EXOC6B: variants seen among roughly 807,000 people sequenced by gnomAD.
EXOC6B encodes exocyst complex component 6B.
In EXOC6B, 54 loss-of-function variants were observed where a neutral mutation model predicts 113.5. The observed-to-expected ratio is 0.48, with a 90% CI of 0.38 to 0.60. EXOC6B has a LOEUF of 0.60. Among genes scored for constraint, EXOC6B ranks in the 20% least tolerant of loss-of-function variants. The pLI is 0.00. For synonymous variants in EXOC6B, 357 were observed against 339.0 expected, an observed-to-expected ratio of 1.05 and a Z score of -0.58; for missense variants, 797 against 977.5, an observed-to-expected ratio of 0.82 and a Z score of 2.46.
intron 6 of EXOC6B, among the ~76,000 whole-genome samples, chr2:72,653,970 AT>A (rs58589218): frequency 0.23 from 30,704 of 136,206 alleles, 4,607 homozygotes; most frequent in African/African-American, 0.45. Flanking sequence ...AATTTTATTT[AT>A]TTTTTTTTTT....
rs538758196 is a variant in EXOC6B at position 72,443,027 on chromosome 2, T to C, written c.1980+22133A>G. Among the ~76,000 whole-genome samples the C allele has an allele frequency of 2.0e-5, 3 of 152,120 alleles. No homozygotes were observed. The South Asian group carries it at 6.2e-4, about 32-fold the overall frequency. On this transcript the variant is annotated intron_variant, in intron 18 of 21. Coordinates refer to ENST00000272427, the MANE Select transcript of EXOC6B (RefSeq NM_015189.3). ...AATAACCAAAACAGCATGATATAGA[T>C]ACAAGAAAAGACACATAGGCAGGGC...
intron 4 of EXOC6B, 22 bp downstream of exon 4, chr2:72,731,133 T>A: frequency 6.2e-7 from 1 of 1,602,272 alleles, no homozygotes; most frequent in Non-Finnish European, 8.5e-7. Flanking sequence ...CCAAGAATCC[T>A]TCTCCATTTC....
intron 6 of EXOC6B, among the ~76,000 whole-genome samples, chr2:72,617,725 C>T (rs1188131136): frequency 1.3e-5 from 2 of 151,674 alleles, no homozygotes; most frequent in Admixed American, 1.3e-4. Flanking sequence ...AGGTTGGCCA[C>T]AGTGGTCTCA....
intron 17 of EXOC6B, among the ~76,000 whole-genome samples, chr2:72,470,279 T>C (rs1383598962): frequency 6.6e-6 from 1 of 152,176 alleles, no homozygotes; most frequent in Non-Finnish European, 1.5e-5. Flanking sequence ...TAGTTTTCAT[T>C]GCGGACATTT....
chr2:72,299,407 C>G (rs924141221), intron 20 of EXOC6B, among the ~76,000 whole-genome samples: 1 of 151,962 alleles, frequency 6.6e-6, no homozygotes, highest in African/African-American at 2.4e-5. Context: ...AGCATCTATT[C>G]TAGATGAATT....
chr2:72,207,172 C>T (rs954069987), intron 20 of EXOC6B, among the ~76,000 whole-genome samples: 6 of 152,116 alleles, frequency 3.9e-5, no homozygotes, highest in East Asian at 1.9e-4. Flanking sequence ...AGCTATATAC[C>T]GTACTAACTT....
chr2:72,672,180 T>C (rs1164287805), intron 6 of EXOC6B, among the ~76,000 whole-genome samples: 1 of 136,542 alleles, frequency 7.3e-6, no homozygotes, highest in Non-Finnish European at 1.5e-5. Context: ...GAGCCAGCAA[T>C]TCGACTACTG....
intron 11 of EXOC6B, among the ~76,000 whole-genome samples, chr2:72,510,293 T>C: frequency 6.6e-6 from 1 of 152,040 alleles, no homozygotes; most frequent in East Asian, 1.9e-4. Flanking sequence ...AGTTCAATAG[T>C]TTGGGAGAGC....
At chr2:72,524,111 TGTCACGGCATCCAA>T (rs1486100261) in intron 8 of EXOC6B, among the ~76,000 whole-genome samples, 1 of 145,148 alleles carries the variant, frequency 6.9e-6, no homozygotes, top group African/African-American at 2.6e-5. Context: ...CCCTTTTAAC[TGTCACGGCATCCAA>T]GTGAAGACAG....
chr2:72,357,404 G>T (rs933984800), intron 19 of EXOC6B, among the ~76,000 whole-genome samples: 1 of 152,006 alleles, frequency 6.6e-6, no homozygotes, highest in Admixed American at 6.6e-5. Flanking sequence ...GATTATAATG[G>T]AACTGGGCTG....
chr2:72,218,091 G>A (rs967302478), intron 20 of EXOC6B, among the ~76,000 whole-genome samples: 15 of 152,178 alleles, frequency 9.9e-5, no homozygotes, highest in Non-Finnish European at 1.8e-4. Context: ...GCTATTAGGG[G>A]AGATGAAGGG....
intron 20 of EXOC6B, among the ~76,000 whole-genome samples, chr2:72,225,142 G>A (rs1272703288): frequency 4.6e-5 from 7 of 151,182 alleles, no homozygotes; most frequent in South Asian, 4.2e-4. Context: ...ATGAGGCACC[G>A]CGCCCAGCCT....
intron 20 of EXOC6B, among the ~76,000 whole-genome samples, chr2:72,316,136 C>G (rs1572901962): frequency 6.6e-6 from 1 of 152,182 alleles, no homozygotes; most frequent in African/African-American, 2.4e-5. Flanking sequence ...GGATGAACTC[C>G]AAGCATGTAT....
chr2:72,301,235 A>T (rs1686508985), intron 20 of EXOC6B, among the ~76,000 whole-genome samples: 1 of 152,014 alleles, frequency 6.6e-6, no homozygotes, highest in South Asian at 2.1e-4. Flanking sequence ...TGTGCTGCTG[A>T]ATTTGGTTTG....
chr2:72,527,877 T>C (rs1558764450), intron 8 of EXOC6B, among the ~76,000 whole-genome samples: 2 of 152,008 alleles, frequency 1.3e-5, no homozygotes, highest in African/African-American at 2.4e-5. Flanking sequence ...GCATTGTTTC[T>C]TTTGTTTTTT....
intron 6 of EXOC6B, among the ~76,000 whole-genome samples, chr2:72,625,450 T>A (rs201133984): frequency 6.6e-6 from 1 of 152,230 alleles, no homozygotes; most frequent in East Asian, 1.9e-4. Context: ...CTGTTCTCTC[T>A]CACACAAAAT....
At chr2:72,217,404 A>T (rs1442646374) in intron 20 of EXOC6B, among the ~76,000 whole-genome samples, 1 of 152,204 alleles carries the variant, frequency 6.6e-6, no homozygotes, top group Non-Finnish European at 1.5e-5. Flanking sequence ...GCACAGAATC[A>T]GGGTATTAAC....
At chr2:72,229,359 C>A (rs147672154) in intron 20 of EXOC6B, among the ~76,000 whole-genome samples, 1 of 152,044 alleles carries the variant, frequency 6.6e-6, no homozygotes, top group Non-Finnish European at 1.5e-5. Flanking sequence ...GAGAAGCAGG[C>A]GGAGATTAGG....
intron 1 of EXOC6B, among the ~76,000 whole-genome samples, chr2:72,823,464 AAAAAAAAAAAAAAAC>A (rs1157798751): frequency 7.6e-6 from 1 of 131,460 alleles, no homozygotes; most frequent in Non-Finnish European, 1.6e-5. Context: ...TTTAAGAAAA[AAAAAAAAAAAAAAAC>A]AAAAAACAAA....
Sources: allele counts gnomAD v4.1 joint callset (sites outside exome capture counted in the v4.1 genomes callset), GRCh38; gene constraint gnomAD v4.1.1; transcripts MANE v1.5; gene names NCBI Gene and HGNC (gene_info 2026-07-23, HGNC 2026-07-21).